Variants in LRP6 observed in about 807,000 individuals in gnomAD.
LRP6 encodes LDL receptor related protein 6.
In LRP6, 43 loss-of-function variants were observed where a neutral mutation model predicts 184.1. The observed-to-expected ratio is 0.23, with a 90% CI of 0.18 to 0.30. The LOEUF is 0.30. LRP6 is among the 10% of genes least tolerant of loss of function. The probability of loss-of-function intolerance (pLI) is 1.00; values close to 1 mark genes in which losing one functional copy is unlikely to be tolerated. For synonymous variants in LRP6, 719 were observed against 684.9 expected, an observed-to-expected ratio of 1.05 and a Z score of -0.78; for missense variants, 1,571 against 2,005.3, an observed-to-expected ratio of 0.78 and a Z score of 4.14.
At chr12:12,210,914 G>A (rs1038206331) in intron 2 of LRP6, 11 of 152,180 alleles carry the variant, frequency 7.2e-5, no homozygotes, top group Non-Finnish European at 1.5e-4. Flanking sequence ...TAGGCTTTAA[G>A]TGAAGAGGAG....
At chr12:12,215,667 G>C (rs1466878987) in intron 2 of LRP6, among the ~76,000 whole-genome samples, 2 of 149,914 alleles carry the variant, frequency 1.3e-5, no homozygotes, top group Non-Finnish European at 3.0e-5. Context: ...TAAGATTTAA[G>C]ATTTCAGTAG....
intron 2 of LRP6, among the ~76,000 whole-genome samples, chr12:12,232,608 T>C (rs1263386367): frequency 3.6e-5 from 5 of 140,710 alleles, no homozygotes; most frequent in South Asian, 4.5e-4. Context: ...AAAACAGAAG[T>C]AGATTTTTAA....
chr12:12,244,423 G>A lies in LRP6; in HGVS notation c.288C>T (p.Ser96=), dbSNP rs1382673404. Residue 96 remains serine, a synonymous_variant, in exon 2 of 23, where the codon TCC becomes TCT. Coordinates refer to ENST00000261349, the MANE Select transcript of LRP6 (RefSeq NM_002336.3). Reference sequence around the variant, plus strand: ...GCCAATCACATGCCAGCCCATCGGGGGACAATAATCCAGAAACAACAACAT... The same window carrying A: ...GCCAATCACATGCCAGCCCATCGGGAGACAATAATCCAGAAACAACAACAT... ...VQNVVVSGLL[S]PDGLACDWLG... 3.1e-6 allele frequency: 5 copies of A among 1,614,064 alleles called. No individual in the cohort carries two copies. Among genetic ancestry groups the A allele is most frequent in the Non-Finnish European group, 4.2e-6 (5 of 1,180,014 alleles).
At chr12:12,242,326 A>G (rs1865087704) in intron 2 of LRP6, among the ~76,000 whole-genome samples, 1 of 152,166 alleles carries the variant, frequency 6.6e-6, no homozygotes, top group African/African-American at 2.4e-5. Flanking sequence ...CCTCTCTCCA[A>G]CCAGAGTACA....
At chr12:12,146,538 A>C (rs997547899) in intron 15 of LRP6, among the ~76,000 whole-genome samples, 1 of 152,256 alleles carries the variant, frequency 6.6e-6, no homozygotes, top group African/African-American at 2.4e-5. Flanking sequence ...TGAAAGTAAA[A>C]GTATATCTTA....
rs767054928 is a variant in LRP6 at position 12,138,448 on chromosome 12, T to C, written c.3484A>G (p.Lys1162Glu). ...ATTTTTTCAATCATTTGCTGCTGTT[T>C]ATCAATCCAATAGAGCCAGTTTTCA... ...VFENWLYWID[K>E]QQQMIEKIDM... Residue 1162 changes from lysine (K) to glutamate (E), a missense_variant, in exon 16 of 23, where the codon AAA becomes GAA. Coordinates refer to ENST00000261349, the MANE Select transcript of LRP6 (RefSeq NM_002336.3). The C allele has an allele frequency of 6.2e-7, 1 of 1,614,122 alleles. No individual in the cohort carries two copies. The highest frequency in any genetic ancestry group is 8.5e-7 in the Non-Finnish European group (1 of 1,180,012).
intron 3 of LRP6, among the ~76,000 whole-genome samples, chr12:12,193,997 G>A (rs1368434374): frequency 2.0e-5 from 3 of 151,934 alleles, no homozygotes; most frequent in Admixed American, 6.6e-5. Context: ...TATAAACCAC[G>A]ACCAAGTAGA....
chr12:12,193,273 G>A lies in LRP6; in HGVS notation c.648-6154C>T, dbSNP rs2137018918. Reference sequence around the variant, plus strand: ...AATGCCTATACTAGAAAAGAAGAGAGATTACAAATCAATTATTTATGATTT... The same window carrying A: ...AATGCCTATACTAGAAAAGAAGAGAAATTACAAATCAATTATTTATGATTT... On this transcript the variant is annotated intron_variant, in intron 3 of 22. Coordinates refer to ENST00000261349, the MANE Select transcript of LRP6 (RefSeq NM_002336.3). Among the ~76,000 whole-genome samples, 2 of 151,226 alleles carry A rather than the reference G, an allele frequency of 1.3e-5. 1 individual carries two copies. Among genetic ancestry groups the A allele is most frequent in the South Asian group, 4.2e-4 (2 of 4,802 alleles).
intron 12 of LRP6, among the ~76,000 whole-genome samples, chr12:12,152,208 G>T (rs558712254): frequency 6.6e-6 from 1 of 152,070 alleles, no homozygotes; most frequent in Non-Finnish European, 1.5e-5. Flanking sequence ...TCTTGCCACC[G>T]CCAGGAAAGA....
At chr12:12,142,095 G>A (rs896354107) in intron 15 of LRP6, among the ~76,000 whole-genome samples, 1 of 152,204 alleles carries the variant, frequency 6.6e-6, no homozygotes, top group African/African-American at 2.4e-5. Context: ...TTTAAAATAA[G>A]TGAAAATAGT....
In LRP6 at chr12:12,158,826, T is replaced by C. The variant is rs779720996; in HGVS notation, c.2791+3A>G. The C allele has an allele frequency of 1.4e-5, 22 of 1,613,872 alleles. No homozygotes were observed. In the Admixed American group the frequency reaches 2.2e-4, roughly 16 times the overall value. ...GCTTGCTTTGGAGGGAAATGCAGCT[T>C]ACCACTACAAGTCCTGTTGTCAGCA... On this transcript the variant is annotated splice_donor_region_variant and intron_variant, in intron 12 of 22. Transcript: ENST00000261349.
intron 7 of LRP6, among the ~76,000 whole-genome samples, chr12:12,176,583 C>A (rs752933445): frequency 3.3e-5 from 5 of 152,158 alleles, no homozygotes; most frequent in Non-Finnish European, 5.9e-5. Flanking sequence ...ATTCCCCATT[C>A]CTTCTCCCTG....
rs1865774689 is a variant in LRP6 at position 12,266,644 on chromosome 12, A to C, written c.55+37T>G. The C allele has an allele frequency of 2.6e-6, 4 of 1,529,352 alleles. No homozygotes were observed. The South Asian group carries it at 3.4e-5, about 13-fold the overall frequency. 94.7% of individuals were successfully genotyped at this position (1,529,352 alleles called of 1,614,324 possible). On this transcript the variant is annotated intron_variant, in intron 1 of 22. Transcript: ENST00000261349. ...CATACAACAAGGCCACCTCCCCCCG[A>C]ACCCCACCAACTTTCCAGTGCCCCC...
Position 12,139,800 on chromosome 12 carries a change from A to C in LRP6, c.3398-1266T>G, listed in dbSNP as rs539695706. Among the ~76,000 whole-genome samples the C allele has an allele frequency of 2.8e-4, 42 of 152,280 alleles. 1 individual carries two copies. In the South Asian group the frequency reaches 6.2e-3, roughly 23 times the overall value. ...AAGGACAAAGAAGGCAGAAGAACAG[A>C]AGAGAGCAGGAAAGTGATATAAATT... On this transcript the variant is annotated intron_variant, in intron 15 of 22. Coordinates refer to ENST00000261349, the MANE Select transcript of LRP6 (RefSeq NM_002336.3).
At chr12:12,181,727 G>C (rs1287412325) in intron 5 of LRP6, among the ~76,000 whole-genome samples, 3 of 152,154 alleles carry the variant, frequency 2.0e-5, no homozygotes, top group Admixed American at 6.5e-5. Flanking sequence ...TAATGACTAT[G>C]TAATGACTAA....
chr12:12,200,274 A>G (rs550545973), intron 3 of LRP6, among the ~76,000 whole-genome samples: 1 of 152,202 alleles, frequency 6.6e-6, no homozygotes, highest in Non-Finnish European at 1.5e-5. Flanking sequence ...TGGAATCCAC[A>G]TTCTTCCTGG....
At chr12:12,180,102 G>GGA in intron 6 of LRP6, 121 bp from the exon 7 acceptor site, 2 of 557,470 alleles carry the variant, frequency 3.6e-6, no homozygotes, top group African/African-American at 2.1e-5. Context: ...CAAGGAAGGG[G>GGA]AAAAAAAAAA....
chr12:12,195,576 T>A (rs1863732834), intron 3 of LRP6, among the ~76,000 whole-genome samples: 1 of 152,158 alleles, frequency 6.6e-6, no homozygotes, highest in African/African-American at 2.4e-5. Flanking sequence ...TTGAGTTCCC[T>A]GTATATTCTG....
chr12:12,138,057 G>C (rs1949869974), intron 16 of LRP6, among the ~76,000 whole-genome samples: 1 of 151,684 alleles, frequency 6.6e-6, no homozygotes, highest in South Asian at 2.1e-4. Flanking sequence ...TGTAATCCCA[G>C]CTACTCTGGA....
Sources: allele counts gnomAD v4.1 joint callset (sites outside exome capture counted in the v4.1 genomes callset), GRCh38; gene constraint gnomAD v4.1.1; transcripts MANE v1.5; gene names NCBI Gene and HGNC (gene_info 2026-07-23, HGNC 2026-07-21).